ZDHHC2: variants seen among roughly 807,000 people sequenced by gnomAD.
ZDHHC2 encodes zDHHC palmitoyltransferase 2.
A neutral mutation model predicts 55.6 loss-of-function variants in ZDHHC2; 51 were observed. The ratio of observed to expected loss-of-function variants is 0.92; its 90% CI spans 0.73 to 1.16. The LOEUF (loss-of-function observed/expected upper bound fraction) is 1.16. ZDHHC2 is among the 50% of genes most tolerant of loss of function. The probability of loss-of-function intolerance (pLI) is 0.00; values close to 1 mark genes in which losing one functional copy is unlikely to be tolerated. For synonymous variants in ZDHHC2, 199 were observed against 152.9 expected, an observed-to-expected ratio of 1.30 and a Z score of -2.22; for missense variants, 491 against 442.4, an observed-to-expected ratio of 1.11 and a Z score of -0.99.
chr8:17,219,354 ATTTG>A (rs1313335849), intron 12 of ZDHHC2, among the ~76,000 whole-genome samples: 3 of 150,314 alleles, frequency 2.0e-5, no homozygotes, highest in South Asian at 2.1e-4. Context: ...TTTATAAAAT[ATTTG>A]TTTGTTCAGC....
At chr8:17,197,116 A>C (rs1267300665) in intron 4 of ZDHHC2, among the ~76,000 whole-genome samples, 1 of 152,164 alleles carries the variant, frequency 6.6e-6, no homozygotes, top group Non-Finnish European at 1.5e-5. Flanking sequence ...GCAGAAATTT[A>C]AGCCCCCTAG....
At chr8:17,197,432 AT>A in intron 4 of ZDHHC2, 149 bp from the exon 5 acceptor site, 1 of 703,612 alleles carries the variant, frequency 1.4e-6, no homozygotes, top group Non-Finnish European at 2.3e-6. Flanking sequence ...CCATTTTTGT[AT>A]TTAAACAGCA....
At position 17,224,313 on chromosome 8, in the gene ZDHHC2, T is replaced by C. The variant is rs932007618; in HGVS notation, c.*4092T>C. The C allele has an allele frequency of 3.3e-5, 5 of 151,780 alleles. No homozygotes were observed. Among genetic ancestry groups the C allele is most frequent in the African/African-American group, 1.2e-4 (5 of 41,424 alleles). 9.4% of individuals were successfully genotyped at this position (151,780 alleles called of 1,614,324 possible). A position where few individuals can be genotyped will look rare whatever the true frequency, so the allele number is the denominator to read the frequency against. On this transcript the variant is annotated 3_prime_UTR_variant, in exon 13 of 13. Transcript: ENST00000262096. ...ATAGCCAGTATTCAGTATTTCTGTA[T>C]TGTTTACAATTGGGGGAAAATGTCT...
chr8:17,177,216 G>A (rs1464338765), intron 1 of ZDHHC2, among the ~76,000 whole-genome samples: 1 of 152,212 alleles, frequency 6.6e-6, no homozygotes, highest in East Asian at 1.9e-4. Context: ...TAGGGAGGGT[G>A]TTGGTGACCT....
chr8:17,214,116 A>G (rs756138207), intron 10 of ZDHHC2, among the ~76,000 whole-genome samples: 13 of 152,184 alleles, frequency 8.5e-5, no homozygotes, highest in Non-Finnish European at 1.3e-4. Context: ...TACTGTTACA[A>G]TTACTATTTC....
At chr8:17,205,303 G>C (rs117175583) in intron 6 of ZDHHC2, among the ~76,000 whole-genome samples, 103 of 152,328 alleles carry the variant, frequency 6.8e-4, no homozygotes, top group Non-Finnish European at 1.4e-3. Context: ...CAAACCCAAA[G>C]ATGGCGTAGA....
intron 3 of ZDHHC2, among the ~76,000 whole-genome samples, chr8:17,189,953 C>G (rs1225163226): frequency 6.6e-6 from 1 of 152,054 alleles, no homozygotes; most frequent in African/African-American, 2.4e-5. Context: ...AAGGTTCAAC[C>G]AAAAGTCCTT....
intron 6 of ZDHHC2, among the ~76,000 whole-genome samples, chr8:17,200,864 C>T (rs1045043273): frequency 3.3e-5 from 5 of 152,090 alleles, no homozygotes; most frequent in Admixed American, 6.5e-5. Context: ...GAACTGACTG[C>T]GGTACCTTTT....
At chr8:17,217,004 A>G (rs1368156894) in intron 11 of ZDHHC2, among the ~76,000 whole-genome samples, 168 bp from the exon 12 acceptor site, 3 of 152,100 alleles carry the variant, frequency 2.0e-5, no homozygotes, top group Admixed American at 6.6e-5. Context: ...CTGACACTGT[A>G]TAACGGGTGT....
At position 17,156,754 on chromosome 8, in the gene ZDHHC2, AGGC is replaced by A. The variant is rs1181905434; in HGVS notation, c.37_39del (p.Arg13del). ...GCCCTCGGGCCCGGGCAGCAGCGCC[AGGC>A]GGCGGTGCCGGCGGGTGCTGTACTG... On this transcript the variant is annotated inframe_deletion, in exon 1 of 13. Coordinates refer to ENST00000262096, the MANE Select transcript of ZDHHC2 (RefSeq NM_016353.5). The A allele has an allele frequency of 5.9e-5, 89 of 1,497,324 alleles. No homozygotes were observed. Among genetic ancestry groups the A allele is most frequent in the Non-Finnish European group, 7.7e-5 (86 of 1,121,586 alleles). 92.8% of individuals were successfully genotyped at this position (1,497,324 alleles called of 1,614,324 possible).
chr8:17,200,556 G>GA (rs1172603924), intron 6 of ZDHHC2, among the ~76,000 whole-genome samples: 2 of 152,044 alleles, frequency 1.3e-5, no homozygotes, highest in African/African-American at 4.8e-5. Context: ...TGGAGAGGTG[G>GA]AAAAAAATCA....
chr8:17,169,119 G>C (rs1377576933), intron 1 of ZDHHC2, among the ~76,000 whole-genome samples: 2 of 152,102 alleles, frequency 1.3e-5, no homozygotes, highest in African/African-American at 4.8e-5. Flanking sequence ...TTCTGGAGCA[G>C]GTGATTTTTG....
chr8:17,194,308 C>G lies in ZDHHC2; in HGVS notation c.253-1196C>G, dbSNP rs144407878. Among the ~76,000 whole-genome samples the G allele has an allele frequency of 3.6e-3, 530 of 148,216 alleles. 4 individuals are homozygous for G. The highest frequency in any genetic ancestry group is 0.012 in the African/African-American group (507 of 40,618). On this transcript the variant is annotated intron_variant, in intron 3 of 12. Transcript: ENST00000262096. ...TTTTTAAATTGTAAAATATTTTATA[C>G]ATATTTTTGTATATATACAAAATAT...
At chr8:17,187,760 C>T (rs1328393846) in intron 3 of ZDHHC2, among the ~76,000 whole-genome samples, 1 of 152,166 alleles carries the variant, frequency 6.6e-6, no homozygotes, top group Non-Finnish European at 1.5e-5. Context: ...AGTTTACATA[C>T]AACCTCTGTT....
intron 3 of ZDHHC2, among the ~76,000 whole-genome samples, chr8:17,192,609 CAAA>C (rs1339375800): frequency 6.6e-6 from 1 of 152,132 alleles, no homozygotes; most frequent in Non-Finnish European, 1.5e-5. Flanking sequence ...CTTTGCTGTG[CAAA>C]AGCCTTTTAA....
chr8:17,194,777 C>T (rs1806219864), intron 3 of ZDHHC2, among the ~76,000 whole-genome samples: 1 of 152,128 alleles, frequency 6.6e-6, no homozygotes, highest in South Asian at 2.1e-4. Context: ...ATTTATCCAT[C>T]ATCCTTTTGA....
chr8:17,172,519 C>G (rs1362821283), intron 1 of ZDHHC2, among the ~76,000 whole-genome samples: 1 of 152,168 alleles, frequency 6.6e-6, no homozygotes, highest in Non-Finnish European at 1.5e-5. Context: ...TCTACATCCA[C>G]GTGCCTATAC....
chr8:17,203,113 G>A (rs1806893403), intron 6 of ZDHHC2, among the ~76,000 whole-genome samples: 2 of 145,456 alleles, frequency 1.4e-5, no homozygotes, highest in African/African-American at 5.1e-5. Flanking sequence ...AGGCTGGAGT[G>A]CAGTGGTGAA....
At chr8:17,193,164 A>G (rs1347857379) in intron 3 of ZDHHC2, among the ~76,000 whole-genome samples, 2 of 152,114 alleles carry the variant, frequency 1.3e-5, no homozygotes, top group Non-Finnish European at 2.9e-5. Flanking sequence ...TTGTGATTCC[A>G]TATACATTTT....
Sources: allele counts gnomAD v4.1 joint callset (sites outside exome capture counted in the v4.1 genomes callset), GRCh38; gene constraint gnomAD v4.1.1; transcripts MANE v1.5; gene names NCBI Gene and HGNC (gene_info 2026-07-23, HGNC 2026-07-21).